The following LRRN2 variants were observed in gnomAD, a reference collection of about 807,000 sequenced individuals.
The protein encoded by LRRN2 is leucine rich repeat neuronal 2, also known as leucine-rich repeat neuronal protein 2.
LRRN2 carries 10 observed loss-of-function variants against 35.7 expected under a neutral mutation model. The ratio of observed to expected loss-of-function variants is 0.28; its 90% CI spans 0.17 to 0.47. The LOEUF (loss-of-function observed/expected upper bound fraction) is 0.47, where lower values mean the gene tolerates loss of function less well. LRRN2 is among the 20% of genes least tolerant of loss of function. The pLI, the probability that LRRN2 is intolerant of heterozygous loss-of-function variation, is 0.99. For synonymous variants in LRRN2, 391 were observed against 409.6 expected, an observed-to-expected ratio of 0.95 and a Z score of 0.55; for missense variants, 731 against 940.3, an observed-to-expected ratio of 0.78 and a Z score of 2.91.
intron 1 of LRRN2, among the ~76,000 whole-genome samples, chr1:204,623,865 T>C (rs1057302584): frequency 4.6e-5 from 7 of 152,188 alleles, no homozygotes; most frequent in Non-Finnish European, 1.0e-4. Flanking sequence ...GTGAAATGTG[T>C]AGAGAACACG....
chr1:204,670,655 C>T (rs1300476431), intron 1 of LRRN2, among the ~76,000 whole-genome samples: 1 of 151,322 alleles, frequency 6.6e-6, no homozygotes, highest in Non-Finnish European at 1.5e-5. Context: ...AAGGATGAGT[C>T]AGCAAAGACG....
intron 1 of LRRN2, among the ~76,000 whole-genome samples, chr1:204,680,903 A>T (rs968842118): frequency 2.6e-5 from 4 of 151,848 alleles, no homozygotes; most frequent in Admixed American, 6.6e-5. Flanking sequence ...CTTGGTTCAA[A>T]TATCACATCA....
chr1:204,676,329 A>T (rs1668823326), intron 1 of LRRN2, among the ~76,000 whole-genome samples: 1 of 151,966 alleles, frequency 6.6e-6, no homozygotes, highest in Non-Finnish European at 1.5e-5. Context: ...AACTCTAGAT[A>T]CAGTAGCTAA....
chr1:204,658,986 T>C (rs1571670864), intron 1 of LRRN2, among the ~76,000 whole-genome samples: 1 of 152,320 alleles, frequency 6.6e-6, no homozygotes, highest in South Asian at 2.1e-4. Flanking sequence ...TATCATAAGG[T>C]GGCTTCTGCC....
chr1:204,663,593 A>G (rs566851931), intron 1 of LRRN2, among the ~76,000 whole-genome samples: 6 of 152,098 alleles, frequency 3.9e-5, no homozygotes, highest in South Asian at 2.1e-4. Flanking sequence ...GGGAAATGCA[A>G]CCCACATTGT....
chr1:204,681,803 C>T (rs141195051), intron 1 of LRRN2, among the ~76,000 whole-genome samples: 18 of 152,372 alleles, frequency 1.2e-4, no homozygotes, highest in Non-Finnish European at 2.2e-4. Flanking sequence ...CTTTCTGACT[C>T]GTCCTTTCAG....
intron 1 of LRRN2, among the ~76,000 whole-genome samples, chr1:204,672,737 G>T (rs1298173582): frequency 2.0e-5 from 3 of 152,086 alleles, no homozygotes; most frequent in African/African-American, 7.2e-5. Context: ...GATCTGCTCA[G>T]ATGCCCAGGT....
In LRRN2 at chr1:204,617,949, C is replaced by G; in HGVS notation, c.2044G>C (p.Val682Leu). Residue 682 changes from valine (V) to leucine (L), a missense_variant, in exon 2 of 2, where the codon GTG (valine) becomes CTG (leucine). Physicochemically the swap from Val to Leu is conservative, Grantham distance 32. Transcript: ENST00000367177. ...CAGGGCAGGACGAGGGGAGCAGACA[C>G]AACCCGGACAGAAGGGGCACTCCAG... ...WGWSAPSVRV[V>L]SAPLVLPWNP... 2 of 1,614,014 alleles carry G rather than the reference C, an allele frequency of 1.2e-6. No homozygotes were observed. The highest frequency in any genetic ancestry group is 4.5e-5 in the East Asian group (2 of 44,868).
At chr1:204,631,074 A>G (rs1667679187) in intron 1 of LRRN2, among the ~76,000 whole-genome samples, 1 of 150,364 alleles carries the variant, frequency 6.7e-6, no homozygotes, top group Non-Finnish European at 1.5e-5. Context: ...TGGCCCACCC[A>G]AGACCTCCAG....
chr1:204,642,947 C>T (rs1156259259), intron 1 of LRRN2, among the ~76,000 whole-genome samples: 10 of 152,124 alleles, frequency 6.6e-5, no homozygotes, highest in Admixed American at 6.5e-4. Flanking sequence ...GGGCTCAGAG[C>T]CTGATAGACT....
chr1:204,652,571 A>G (rs1668259786), intron 1 of LRRN2, among the ~76,000 whole-genome samples: 1 of 152,110 alleles, frequency 6.6e-6, no homozygotes, highest in Admixed American at 6.5e-5. Context: ...TGTAAAGATT[A>G]GAGATGTCAA....
chr1:204,643,854 A>T (rs1668039051), intron 1 of LRRN2, among the ~76,000 whole-genome samples: 1 of 152,184 alleles, frequency 6.6e-6, no homozygotes. Context: ...AAGCCTTTAG[A>T]ATGTGAAAGA....
At chr1:204,663,605 C>G (rs950921254) in intron 1 of LRRN2, among the ~76,000 whole-genome samples, 2 of 152,176 alleles carry the variant, frequency 1.3e-5, no homozygotes, top group Non-Finnish European at 2.9e-5. Context: ...CCACATTGTC[C>G]AAGTCAGACC....
chr1:204,684,337 C>T (rs1669019250), intron 1 of LRRN2, among the ~76,000 whole-genome samples: 1 of 152,192 alleles, frequency 6.6e-6, no homozygotes, highest in African/African-American at 2.4e-5. Flanking sequence ...TGCGTTGGCT[C>T]CAACAGATGG....
chr1:204,649,104 C>A (rs1668169671), intron 1 of LRRN2, among the ~76,000 whole-genome samples: 1 of 152,218 alleles, frequency 6.6e-6, no homozygotes, highest in Non-Finnish European at 1.5e-5. Context: ...AGGACAAGAA[C>A]TCAGGGTTTC....
At chr1:204,668,809 T>C (rs574936521) in intron 1 of LRRN2, among the ~76,000 whole-genome samples, 5 of 152,306 alleles carry the variant, frequency 3.3e-5, no homozygotes, top group African/African-American at 9.6e-5. Context: ...GAAAGAGTTT[T>C]GTAGGTTGTA....
At position 204,681,860 on chromosome 1, in the gene LRRN2, G is replaced by C. The variant is rs541570684; in HGVS notation, c.-227+3460C>G. 3.9e-5 allele frequency among the ~76,000 whole-genome samples: 6 copies of C among 152,158 alleles called. No individual in the cohort carries two copies. The South Asian group carries it at 1.2e-3, about 32-fold the overall frequency. On this transcript the variant is annotated intron_variant, in intron 1 of 1. Transcript: ENST00000367177. ...TCTTTTTTGCATATCTCTTGTCTTC[G>C]GTTTTGTTTTGTTGTCTTTTTTAGC...
At chr1:204,631,108 C>CCTAGA (rs140571405) in intron 1 of LRRN2, among the ~76,000 whole-genome samples, 1 of 148,908 alleles carries the variant, frequency 6.7e-6, no homozygotes, top group Non-Finnish European at 1.5e-5. Context: ...GAGGGTGGGC[C>CCTAGA]CTAGTCTAGT....
intron 1 of LRRN2, among the ~76,000 whole-genome samples, chr1:204,626,481 C>T (rs1056451079): frequency 2.0e-5 from 3 of 152,060 alleles, no homozygotes; most frequent in Non-Finnish European, 2.9e-5. Flanking sequence ...TTCCCAACTT[C>T]AACTATTCAA....
Sources: gnomAD v4.1 joint callset for allele counts (sites outside exome capture counted in the v4.1 genomes callset) on GRCh38, gnomAD v4.1.1 for gene constraint, MANE v1.5 for transcripts, NCBI Gene and HGNC (gene_info 2026-07-23, HGNC 2026-07-21) for gene names.